Variants in IGF1R observed in about 807,000 individuals in gnomAD.
IGF1R encodes insulin like growth factor 1 receptor.
Under a neutral mutation model 144.6 loss-of-function variants are expected in IGF1R, and 44 were observed. The ratio of observed to expected loss-of-function variants is 0.30; its 90% confidence interval spans 0.24 to 0.39. IGF1R has a LOEUF of 0.39. Among genes scored for constraint, IGF1R ranks in the 10% least tolerant of loss-of-function variants. The pLI is 1.00. For missense variants in IGF1R, 1,355 were observed against 1,833.7 expected (o/e 0.74, Z 4.77); for synonymous variants, 795 against 722.8 (o/e 1.10, Z -1.60).
chr15:98,705,954 G>C (rs1208197633), intron 1 of IGF1R, among the ~76,000 whole-genome samples: 1 of 152,206 alleles, frequency 6.6e-6, no homozygotes, highest in East Asian at 1.9e-4. Flanking sequence ...GGCATACCTT[G>C]TTCTGCATTG....
intron 20 of IGF1R, among the ~76,000 whole-genome samples, chr15:98,955,187 C>T (rs939491292): frequency 4.6e-5 from 7 of 152,214 alleles, no homozygotes; most frequent in Admixed American, 1.3e-4. Flanking sequence ...ATAACTGCCT[C>T]GCTGCCTGGC....
intron 2 of IGF1R, among the ~76,000 whole-genome samples, chr15:98,752,937 T>G: frequency 4.9e-5 from 1 of 20,214 alleles, no homozygotes; most frequent in South Asian, 1.2e-3. Flanking sequence ...ATACTATTTT[T>G]TTTTTTTTTT....
At chr15:98,714,174 TAAAA>T (rs11284878) in intron 2 of IGF1R, among the ~76,000 whole-genome samples, 2 of 146,020 alleles carry the variant, frequency 1.4e-5, no homozygotes, top group African/African-American at 4.9e-5. Flanking sequence ...CAGGTTGTAG[TAAAA>T]AAAAAAAAGT....
At chr15:98,916,396 G>A (rs2015250648) in intron 9 of IGF1R, 2 of 558,762 alleles carry the variant, frequency 3.6e-6, no homozygotes, top group Middle Eastern at 4.8e-4. Flanking sequence ...CGAGTAGCTG[G>A]GATTACAGGC....
rs943659759 is a variant in IGF1R, at chr15:98,957,502, G to C, written c.*60G>C. The C allele has an allele frequency of 1.5e-4, 235 of 1,605,714 alleles. 2 individuals carry two copies. Among genetic ancestry groups the C allele is most frequent in the Admixed American group, 2.7e-4 (16 of 59,936 alleles). Reference sequence around the variant, plus strand: ...GTGCGCACGCGCAGCGGGGTGGGGGGGGAGAGAGAGTTTTAACAATCCATT... The same window carrying C: ...GTGCGCACGCGCAGCGGGGTGGGGGCGGAGAGAGAGTTTTAACAATCCATT... On this transcript the variant is annotated 3_prime_UTR_variant, in exon 21 of 21. Transcript: ENST00000650285.
intron 2 of IGF1R, among the ~76,000 whole-genome samples, chr15:98,711,450 G>C (rs998802234): frequency 6.6e-6 from 1 of 152,106 alleles, no homozygotes; most frequent in South Asian, 2.1e-4. Context: ...CAGCGTAGTA[G>C]ACTCTACTCC....
intron 1 of IGF1R, among the ~76,000 whole-genome samples, chr15:98,691,829 C>G (rs2053484574): frequency 6.6e-6 from 1 of 152,060 alleles, no homozygotes; most frequent in South Asian, 2.1e-4. Context: ...TCTATTTGCC[C>G]CACTGACATG....
intron 2 of IGF1R, among the ~76,000 whole-genome samples, chr15:98,812,684 A>G (rs1169314120): frequency 6.6e-6 from 1 of 152,188 alleles, no homozygotes; most frequent in Non-Finnish European, 1.5e-5. Context: ...ACTTCGTCGT[A>G]TAATATTATG....
chr15:98,765,796 C>G (rs145965594), intron 2 of IGF1R, among the ~76,000 whole-genome samples: 1 of 152,288 alleles, frequency 6.6e-6, no homozygotes, highest in African/African-American at 2.4e-5. Flanking sequence ...CATGATTGCA[C>G]AACCCACTCC....
intron 2 of IGF1R, among the ~76,000 whole-genome samples, chr15:98,857,511 G>A (rs2011894141): frequency 1.3e-5 from 2 of 152,150 alleles, no homozygotes; most frequent in Admixed American, 6.5e-5. Flanking sequence ...GAGCCACCAC[G>A]CCCAGCCTAC....
chr15:98,663,696 G>A (rs1200588815), intron 1 of IGF1R, among the ~76,000 whole-genome samples: 3 of 152,208 alleles, frequency 2.0e-5, no homozygotes, highest in Non-Finnish European at 4.4e-5. Flanking sequence ...CTGGGCCCGA[G>A]GCTGGTTCTG....
At chr15:98,655,824 T>G (rs958319705) in intron 1 of IGF1R, among the ~76,000 whole-genome samples, 1 of 151,836 alleles carries the variant, frequency 6.6e-6, no homozygotes, top group Admixed American at 6.6e-5. Context: ...GCTCCAGTGA[T>G]CCTCCCAAGT....
At chr15:98,765,042 G>A (rs1460563196) in intron 2 of IGF1R, among the ~76,000 whole-genome samples, 1 of 152,156 alleles carries the variant, frequency 6.6e-6, no homozygotes, top group Non-Finnish European at 1.5e-5. Context: ...TTTGCATAGT[G>A]CATATAAATG....
At position 98,899,494 on chromosome 15, in the gene IGF1R, C is replaced by T. The variant is rs962468444; in HGVS notation, c.1120C>T (p.Leu374=). 1.2e-6 allele frequency: 2 copies of T among 1,614,180 alleles called. No individual in the cohort carries two copies. The highest frequency in any genetic ancestry group is 1.7e-6 in the Non-Finnish European group (2 of 1,180,002). ...IRRGNNIASE[L]ENFMGLIEVV... The stretch of plus-strand genomic sequence containing the variant: ...CAATGTAGATAACATTGCTTCAGAG[C>T]TGGAGAACTTCATGGGGCTCATCGA... Residue 374 remains leucine (L), a synonymous_variant, in exon 5 of 21, where the codon CTG becomes TTG. Coordinates refer to ENST00000650285, the MANE Select transcript of IGF1R (RefSeq NM_000875.5).
At chr15:98,680,561 T>C (rs2053162443) in intron 1 of IGF1R, among the ~76,000 whole-genome samples, 1 of 151,996 alleles carries the variant, frequency 6.6e-6, no homozygotes, top group Non-Finnish European at 1.5e-5. Flanking sequence ...CCACCGCGCC[T>C]GGCCTTTTGT....
chr15:98,892,885 C>T (rs1212664581), intron 3 of IGF1R, among the ~76,000 whole-genome samples: 3 of 152,120 alleles, frequency 2.0e-5, no homozygotes, highest in East Asian at 3.9e-4. Context: ...GGCTTGGTGG[C>T]ACACACCTGT....
intron 2 of IGF1R, among the ~76,000 whole-genome samples, chr15:98,790,874 A>G (rs1310274384): frequency 6.6e-6 from 1 of 152,190 alleles, no homozygotes; most frequent in African/African-American, 2.4e-5. Flanking sequence ...CCTTTAGTTC[A>G]TTTACCTTAT....
chr15:98,833,546 G>A (rs1223661037), intron 2 of IGF1R, among the ~76,000 whole-genome samples: 1 of 152,174 alleles, frequency 6.6e-6, no homozygotes, highest in East Asian at 1.9e-4. Context: ...GATAGTTGTA[G>A]TCTAAAAATT....
intron 18 of IGF1R, among the ~76,000 whole-genome samples, 187 bp from the exon 19 acceptor site, chr15:98,942,736 G>A (rs1410400635): frequency 1.3e-5 from 2 of 152,194 alleles, no homozygotes; most frequent in African/African-American, 2.4e-5. Flanking sequence ...TGCTCATCAT[G>A]TGATTAATCA....
Sources: allele counts gnomAD v4.1 joint callset (sites outside exome capture counted in the v4.1 genomes callset), GRCh38; gene constraint gnomAD v4.1.1; transcripts MANE v1.5; gene names NCBI Gene and HGNC (gene_info 2026-07-23, HGNC 2026-07-21).